The following USP6NL variants were observed in gnomAD, a reference collection of about 807,000 sequenced individuals.
USP6NL encodes USP6 N-terminal like.
In USP6NL, 26 loss-of-function variants were observed where a neutral mutation model predicts 61.9. That is an observed-to-expected ratio of 0.42 (90% CI 0.31 to 0.58). The LOEUF (loss-of-function observed/expected upper bound fraction) is 0.58, where lower values mean the gene tolerates loss of function less well. USP6NL is among the 20% of genes least tolerant of loss of function. The pLI is 0.16. For synonymous variants in USP6NL, 432 were observed against 390.1 expected, an observed-to-expected ratio of 1.11 and a Z score of -1.27; for missense variants, 1,114 against 1,034.3, an observed-to-expected ratio of 1.08 and a Z score of -1.06.
At position 11,510,471 on chromosome 10, in the gene USP6NL, A is replaced by C. The variant is rs78164384; in HGVS notation, c.196-796T>G. ...AGCTCCAAAGGGTTTACAAAAAAGC[A>C]TCAGGACACCAGGCTGCCAAAGTTG... On this transcript the variant is annotated intron_variant, in intron 5 of 14. Coordinates refer to ENST00000609104, the MANE Select transcript of USP6NL (RefSeq NM_014688.5). This position sits in a 1 kb window ranked among gnomAD's most constrained non-coding sequence, Gnocchi z 4.8. 2.3e-3 allele frequency among the ~76,000 whole-genome samples: 356 copies of C among 152,284 alleles called. 3 individuals carry two copies. Among genetic ancestry groups the C allele is most frequent in the African/African-American group, 6.6e-3 (276 of 41,560 alleles).
chr10:11,491,437 T>C lies in USP6NL; in HGVS notation c.495-557A>G, dbSNP rs1833705469. On this transcript the variant is annotated intron_variant, in intron 8 of 14. Coordinates refer to ENST00000609104, the MANE Select transcript of USP6NL (RefSeq NM_014688.5). This position sits in a 1 kb window ranked among gnomAD's most constrained non-coding sequence, Gnocchi z 4.7. ...CGTTTGCTTCTTGGCCCTGCAAGCT[T>C]GGGTTCTGCTGGTCGAGAGATCTTA... Among the ~76,000 whole-genome samples, 1 of 152,180 alleles carries C rather than the reference T, an allele frequency of 6.6e-6. No homozygotes were observed.
chr10:11,578,583 C>G (rs898257801), intron 2 of USP6NL, among the ~76,000 whole-genome samples: 26 of 152,170 alleles, frequency 1.7e-4, no homozygotes, highest in Admixed American at 5.2e-4. Flanking sequence ...CACCTCTAGC[C>G]TGGGCAACAG....
At chr10:11,605,642 A>G (rs1357975998) in intron 1 of USP6NL, among the ~76,000 whole-genome samples, 6 of 152,198 alleles carry the variant, frequency 3.9e-5, no homozygotes, top group Admixed American at 3.9e-4. Flanking sequence ...GGGAACTAGA[A>G]ACTAGAAAAG....
At chr10:11,558,660 CA>C (rs1242972827) in intron 2 of USP6NL, among the ~76,000 whole-genome samples, 2 of 152,160 alleles carry the variant, frequency 1.3e-5, no homozygotes, top group Non-Finnish European at 2.9e-5. Context: ...TTAAAACCTC[CA>C]AGCCTCTAAA....
chr10:11,484,162 G>T (rs1833359750), intron 13 of USP6NL, among the ~76,000 whole-genome samples: 1 of 152,122 alleles, frequency 6.6e-6, no homozygotes, highest in South Asian at 2.1e-4. Flanking sequence ...AAACTATGTG[G>T]TATGACCTGG....
intron 6 of USP6NL, among the ~76,000 whole-genome samples, chr10:11,505,555 A>G (rs768342054): frequency 6.6e-6 from 1 of 152,358 alleles, no homozygotes; most frequent in Non-Finnish European, 1.5e-5. Flanking sequence ...GTAACATTTC[A>G]GTATTCCAAT....
In USP6NL at chr10:11,544,015, G is replaced by T. The variant is rs1445707711; in HGVS notation, c.5-16448C>A. On this transcript the variant is annotated intron_variant, in intron 2 of 14. Coordinates refer to ENST00000609104, the MANE Select transcript of USP6NL (RefSeq NM_014688.5). ...TTTAGTAGAGACAGAGTTTCACCGTGTTAGCCAGGGTGGTCTCGATCTCCT... is the reference window on the plus strand; with the variant it reads ...TTTAGTAGAGACAGAGTTTCACCGTTTTAGCCAGGGTGGTCTCGATCTCCT... 4.6e-5 allele frequency among the ~76,000 whole-genome samples: 7 copies of T among 152,028 alleles called. No individual in the cohort carries two copies. In the East Asian group the frequency reaches 9.7e-4, roughly 21 times the overall value.
At chr10:11,572,997 A>T (rs1201417507) in intron 2 of USP6NL, among the ~76,000 whole-genome samples, 1 of 152,048 alleles carries the variant, frequency 6.6e-6, no homozygotes, top group Admixed American at 6.6e-5. Flanking sequence ...GTTTTCAAAA[A>T]TGTATTTCAG....
rs555284703 is a variant in USP6NL at position 11,502,429 on chromosome 10, A to G, written c.277-1221T>C. Among the ~76,000 whole-genome samples, 118 of 152,290 alleles carry G rather than the reference A, an allele frequency of 7.7e-4. 2 individuals are homozygous for G. The highest frequency in any genetic ancestry group is 2.7e-3 in the African/African-American group (112 of 41,550). On this transcript the variant is annotated intron_variant, in intron 6 of 14. Transcript: ENST00000609104. ...ACATAAAACCTATTACGGTCATCAC[A>G]ATGTTGTGCCTAACACTTTGAAACT...
Position 11,463,743 on chromosome 10 carries a change from C to G in USP6NL, c.1185G>C (p.Pro395=), listed in dbSNP as rs756748987. Reference sequence around the variant, plus strand: ...CCCTCCTGCCGCTGGCCAGCGGGCTCGGCCGGCCCACGCTCCTCTGTCCGT... The same window carrying G: ...CCCTCCTGCCGCTGGCCAGCGGGCTGGGCCGGCCCACGCTCCTCTGTCCGT... ...LSNGQRSVGR[P]SPLASGRRES... Residue 395 remains proline, a synonymous_variant, in exon 15 of 15, where the codon CCG becomes CCC. Transcript: ENST00000609104. The surrounding 1 kb of genome is among the most constrained non-coding windows in gnomAD (Gnocchi z 6.3). The G allele has an allele frequency of 6.9e-6, 11 of 1,597,458 alleles. No homozygotes were observed. The highest frequency in any genetic ancestry group is 9.4e-6 in the Non-Finnish European group (11 of 1,170,852).
At chr10:11,488,591 T>G (rs913065156) in intron 10 of USP6NL, among the ~76,000 whole-genome samples, 2 of 152,210 alleles carry the variant, frequency 1.3e-5, no homozygotes, top group Middle Eastern at 3.2e-3. Context: ...CAATTTTATG[T>G]GAAAAAACAA....
At chr10:11,566,690 A>G (rs982907672) in intron 2 of USP6NL, among the ~76,000 whole-genome samples, 1 of 152,232 alleles carries the variant, frequency 6.6e-6, no homozygotes, top group African/African-American at 2.4e-5. Flanking sequence ...ATGAGGAACT[A>G]AATTTTTTAT....
chr10:11,600,558 T>G lies in USP6NL; in HGVS notation c.-83-2841A>C, dbSNP rs911691420. ...CTAATACAGACAGTAAAGATAGTAA[T>G]TTTAAATTCAAATTTAAAAATTTTC... On this transcript the variant is annotated intron_variant, in intron 1 of 14. Transcript: ENST00000609104. The surrounding 1 kb of genome is among the most constrained non-coding windows in gnomAD (Gnocchi z 4.1). Among the ~76,000 whole-genome samples the G allele has an allele frequency of 6.6e-6, 1 of 152,238 alleles. No homozygotes were observed. Among genetic ancestry groups the G allele is most frequent in the African/African-American group, 2.4e-5 (1 of 41,460 alleles).
intron 3 of USP6NL, among the ~76,000 whole-genome samples, chr10:11,526,975 C>T (rs1358909090): frequency 6.6e-6 from 1 of 152,112 alleles, no homozygotes; most frequent in Admixed American, 6.5e-5. Flanking sequence ...TATGTAATTC[C>T]ATATACTTAA....
chr10:11,537,450 A>C lies in USP6NL; in HGVS notation c.5-9883T>G, dbSNP rs1835878098. Among the ~76,000 whole-genome samples the C allele has an allele frequency of 6.6e-6, 1 of 152,198 alleles. No individual in the cohort carries two copies. Among genetic ancestry groups the C allele is most frequent in the Non-Finnish European group, 1.5e-5 (1 of 68,028 alleles). On this transcript the variant is annotated intron_variant, in intron 2 of 14. Coordinates refer to ENST00000609104, the MANE Select transcript of USP6NL (RefSeq NM_014688.5). The surrounding 1 kb of genome is among the most constrained non-coding windows in gnomAD (Gnocchi z 5.1). The stretch of plus-strand genomic sequence containing the variant: ...TAAGTATGCATTATCTGATACAATC[A>C]AAGTGTTCAAAAGAAATAAGCCTAA...
rs775130341 is a variant in USP6NL, at chr10:11,525,337, A to C, written c.155+49T>G. The C allele has an allele frequency of 2.1e-6, 3 of 1,453,574 alleles. No individual in the cohort carries two copies. The African/African-American group carries it at 4.3e-5, about 21-fold the overall frequency. The allele number at this position is 1,453,574 out of a possible 1,614,324, so 90.0% of individuals were successfully genotyped here. A position where few individuals can be genotyped will look rare whatever the true frequency, so the allele number is the denominator to read the frequency against. On this transcript the variant is annotated intron_variant, in intron 4 of 14. Coordinates refer to ENST00000609104, the MANE Select transcript of USP6NL (RefSeq NM_014688.5). The surrounding 1 kb of genome is among the most constrained non-coding windows in gnomAD (Gnocchi z 5.0). The stretch of plus-strand genomic sequence containing the variant: ...AAGAAAATCAATATAATAGGTGACC[A>C]CAGAAACGTTATAATCTAAAAAGCA...
At position 11,579,209 on chromosome 10, in the gene USP6NL, A is replaced by T. The variant is rs371253309; in HGVS notation, c.4+18422T>A. ...TAAGTGGCAAAGTAGCACCAAAACCAATTTTGAGTTGACAGGGCAGGTTGC... is the reference window on the plus strand; with the variant it reads ...TAAGTGGCAAAGTAGCACCAAAACCTATTTTGAGTTGACAGGGCAGGTTGC... On this transcript the variant is annotated intron_variant, in intron 2 of 14. Transcript: ENST00000609104. 7.9e-5 allele frequency among the ~76,000 whole-genome samples: 12 copies of T among 152,350 alleles called. No homozygotes were observed. In the South Asian group the frequency reaches 1.2e-3, roughly 16 times the overall value.
intron 2 of USP6NL, chr10:11,573,499 G>A (rs543598841): frequency 5.1e-6 from 2 of 395,902 alleles, no homozygotes; most frequent in African/African-American, 4.1e-5. Flanking sequence ...AAATGCAAAA[G>A]CATACACGGA....
At chr10:11,493,974 G>A (rs1833808994) in intron 7 of USP6NL, among the ~76,000 whole-genome samples, 2 of 152,298 alleles carry the variant, frequency 1.3e-5, no homozygotes, top group Admixed American at 6.5e-5. Context: ...CCCATGCTGG[G>A]CCCCCTGTTT....
Sources: allele counts gnomAD v4.1 joint callset (sites outside exome capture counted in the v4.1 genomes callset), GRCh38; gene constraint gnomAD v4.1.1; non-coding constraint Gnocchi (gnomAD v3.1); transcripts MANE v1.5; gene names NCBI Gene and HGNC (gene_info 2026-07-23, HGNC 2026-07-21).